PLAA: variants seen among roughly 807,000 people sequenced by gnomAD.
The protein encoded by PLAA is phospholipase A-2-activating protein.
In PLAA, 48 loss-of-function variants were observed where a neutral mutation model predicts 84.1. The ratio of observed to expected loss-of-function variants is 0.57; its 90% CI spans 0.45 to 0.73. The LOEUF is 0.73. PLAA is among the 30% of genes least tolerant of loss of function. The pLI is 0.00. For synonymous variants in PLAA, 392 were observed against 336.6 expected, an observed-to-expected ratio of 1.16 and a Z score of -1.80; for missense variants, 903 against 954.7, an observed-to-expected ratio of 0.95 and a Z score of 0.71.
chr9:26,934,438 T>C (rs1428802583), intron 2 of PLAA, among the ~76,000 whole-genome samples: 2 of 151,786 alleles, frequency 1.3e-5, no homozygotes, highest in African/African-American at 4.8e-5. Flanking sequence ...TGAAGTATAT[T>C]CAAATTATAT....
At position 26,919,495 on chromosome 9, in the gene PLAA, T is replaced by G; in HGVS notation, c.1232A>C (p.Glu411Ala). 1 of 1,606,938 alleles carries G rather than the reference T, an allele frequency of 6.2e-7. No individual in the cohort carries two copies. The highest frequency in any genetic ancestry group is 8.5e-7 in the Non-Finnish European group (1 of 1,174,244). The stretch of plus-strand genomic sequence containing the variant: ...TGGCAATTTATATGATGGTCCACCT[T>G]CATTGACATCAATTGAGAAAACATA... ...FDYVFSIDVN[E>A]GGPSYKLPYN... is the part of the protein sequence containing the mutation. The change falls in exon 9 of 14, where the codon GAA (glutamate) becomes GCA (alanine). Residue 411 changes from glutamate to alanine, a missense_variant. Coordinates refer to ENST00000397292, the MANE Select transcript of PLAA (RefSeq NM_001031689.3).
chr9:26,928,845 G>A (rs1825069634), intron 2 of PLAA, among the ~76,000 whole-genome samples: 1 of 152,220 alleles, frequency 6.6e-6, no homozygotes, highest in African/African-American at 2.4e-5. Flanking sequence ...AAGTAATGAA[G>A]TGGTTAATTA....
At chr9:26,918,651 G>C (rs572426927) in intron 9 of PLAA, among the ~76,000 whole-genome samples, 278 of 152,236 alleles carry the variant, frequency 1.8e-3, no homozygotes, top group Admixed American at 3.6e-3. Flanking sequence ...GAAATGATGA[G>C]AGGAAAACAT....
chr9:26,923,592 A>G (rs1253792231), intron 6 of PLAA, among the ~76,000 whole-genome samples: 1 of 152,246 alleles, frequency 6.6e-6, no homozygotes, highest in Non-Finnish European at 1.5e-5. Context: ...TCCAAGTTAA[A>G]TATTTACCAT....
rs1326700090 is a variant in PLAA at position 26,904,370 on chromosome 9, C to T, written c.*1141G>A. Reference sequence around the variant, plus strand: ...ACGCTTCTCTCAAGAAACTGGGTTACCTCAGACACAATAAATTGTGTAATT... The same window carrying T: ...ACGCTTCTCTCAAGAAACTGGGTTATCTCAGACACAATAAATTGTGTAATT... On this transcript the variant is annotated 3_prime_UTR_variant, in exon 14 of 14. Transcript: ENST00000397292. The T allele has an allele frequency of 2.0e-5, 3 of 152,130 alleles. No individual in the cohort carries two copies. The highest frequency in any genetic ancestry group is 6.5e-5 in the Admixed American group (1 of 15,272). 9.4% of individuals were successfully genotyped at this position (152,130 alleles called of 1,614,324 possible). A position where few individuals can be genotyped will look rare whatever the true frequency, so the allele number is the denominator to read the frequency against.
At chr9:26,928,050 G>C in intron 4 of PLAA, 50 bp downstream of exon 4, 1 of 1,548,594 alleles carries the variant, frequency 6.5e-7, no homozygotes, top group South Asian at 1.2e-5. Context: ...AAAAAAATCT[G>C]AGCAAATAAA....
At chr9:26,931,235 T>C (rs1420242629) in intron 2 of PLAA, among the ~76,000 whole-genome samples, 1 of 151,946 alleles carries the variant, frequency 6.6e-6, no homozygotes, top group African/African-American at 2.4e-5. Flanking sequence ...AAGGAAAGCA[T>C]TTATTCTGTC....
At chr9:26,925,133 C>T (rs1345913182) in intron 6 of PLAA, among the ~76,000 whole-genome samples, 1 of 152,170 alleles carries the variant, frequency 6.6e-6, no homozygotes, top group Non-Finnish European at 1.5e-5. Flanking sequence ...CATTGTGGGG[C>T]CAATGTCTTA....
chr9:26,916,039 G>A (rs1222375996), intron 10 of PLAA: 2 of 985,386 alleles, frequency 2.0e-6, no homozygotes, highest in Non-Finnish European at 1.2e-6. Flanking sequence ...TAGTGTGATA[G>A]TTAATTATTT....
intron 9 of PLAA, 66 bp downstream of exon 9, chr9:26,919,244 A>T: frequency 3.0e-6 from 3 of 983,690 alleles, no homozygotes; most frequent in South Asian, 1.7e-5. Context: ...TGACTATTTG[A>T]AAACATCAAA....
At chr9:26,946,516 A>G (rs569834399) in intron 1 of PLAA, among the ~76,000 whole-genome samples, 9 of 151,952 alleles carry the variant, frequency 5.9e-5, no homozygotes, top group Admixed American at 1.3e-4. Context: ...TTCTTCGAAA[A>G]AAAAAAAAAA....
chr9:26,940,968 T>C (rs1825515905), intron 1 of PLAA, among the ~76,000 whole-genome samples: 1 of 152,070 alleles, frequency 6.6e-6, no homozygotes, highest in Non-Finnish European at 1.5e-5. Flanking sequence ...ATCTACCCAC[T>C]ATGTGTAACC....
Position 26,920,392 on chromosome 9 carries a change from T to G in PLAA, c.1040-8A>C. On this transcript the variant is annotated splice_region_variant and splice_polypyrimidine_tract_variant and intron_variant, in intron 7 of 13. Transcript: ENST00000397292. Reference sequence around the variant, plus strand: ...TCTGTCCTTCTCTAGTACCTTAAAATAAAAATTTTAAGAATCAAAGGTAGA... The same window carrying G: ...TCTGTCCTTCTCTAGTACCTTAAAAGAAAAATTTTAAGAATCAAAGGTAGA... 1 of 1,563,780 alleles carries G rather than the reference T, an allele frequency of 6.4e-7. No homozygotes were observed. Among genetic ancestry groups the G allele is most frequent in the Non-Finnish European group, 8.7e-7 (1 of 1,152,440 alleles).
chr9:26,910,528 T>G (rs1299844309), intron 11 of PLAA, 89 bp from the exon 12 acceptor site: 4 of 942,634 alleles, frequency 4.2e-6, no homozygotes, highest in Non-Finnish European at 6.6e-6. Context: ...TCACAATTAT[T>G]GAGATATGCA....
intron 2 of PLAA, among the ~76,000 whole-genome samples, chr9:26,929,372 G>A (rs993584773): frequency 4.6e-5 from 7 of 151,356 alleles, no homozygotes; most frequent in South Asian, 2.1e-4. Flanking sequence ...CGCGCCTGTC[G>A]TCCCAGTAAG....
intron 1 of PLAA, among the ~76,000 whole-genome samples, chr9:26,940,540 A>G (rs1328103540): frequency 6.6e-6 from 1 of 152,226 alleles, no homozygotes; most frequent in Non-Finnish European, 1.5e-5. Flanking sequence ...GTTTCAGTGT[A>G]AAGAGATAAA....
intron 12 of PLAA, among the ~76,000 whole-genome samples, chr9:26,908,463 G>A (rs1587147893): frequency 6.7e-6 from 1 of 148,632 alleles, no homozygotes; most frequent in East Asian, 2.0e-4. Flanking sequence ...ACCACGCCTG[G>A]CCTTATTATT....
At chr9:26,942,971 G>A (rs1029494592) in intron 1 of PLAA, among the ~76,000 whole-genome samples, 1 of 150,296 alleles carries the variant, frequency 6.7e-6, no homozygotes, top group Non-Finnish European at 1.5e-5. Context: ...ATATTCTACA[G>A]TAGGAACTAA....
chr9:26,932,479 T>C (rs903866201), intron 2 of PLAA, among the ~76,000 whole-genome samples: 1 of 152,244 alleles, frequency 6.6e-6, no homozygotes, highest in Non-Finnish European at 1.5e-5. Context: ...ACAGACATGC[T>C]CATTCATTTA....
Sources: gnomAD v4.1 joint callset for allele counts (sites outside exome capture counted in the v4.1 genomes callset) on GRCh38, gnomAD v4.1.1 for gene constraint, MANE v1.5 for transcripts, NCBI Gene and HGNC (gene_info 2026-07-23, HGNC 2026-07-21) for gene names.